The following NEBL variants were observed in gnomAD, a reference collection of about 807,000 sequenced individuals.
The protein encoded by NEBL is LIM and SH3 protein 2.
NEBL carries 122 observed loss-of-function variants against 140.2 expected under a neutral mutation model. That is an observed-to-expected ratio of 0.87 (90% CI 0.75 to 1.01). The LOEUF (loss-of-function observed/expected upper bound fraction) is 1.01, where lower values mean the gene tolerates loss of function less well. NEBL is among the 50% of genes least tolerant of loss of function. NEBL has a pLI of 0.00. For missense variants in NEBL, 1,365 were observed against 1,231.3 expected, an observed-to-expected ratio of 1.11 and a Z score of -1.62; for synonymous variants, 436 against 398.9, an observed-to-expected ratio of 1.09 and a Z score of -1.11.
intron 3 of NEBL, among the ~76,000 whole-genome samples, chr10:21,189,222 G>A (rs1162969628): frequency 2.0e-5 from 3 of 152,170 alleles, no homozygotes; most frequent in Admixed American, 6.5e-5. Flanking sequence ...GTCCTCATAA[G>A]AGAAAGGCAA....
intron 1 of NEBL, among the ~76,000 whole-genome samples, chr10:21,281,245 G>C (rs1008555056): frequency 1.3e-5 from 2 of 152,156 alleles, no homozygotes; most frequent in African/African-American, 4.8e-5. Flanking sequence ...ACTCTAATTA[G>C]TGTAAATATA....
chr10:21,262,953 C>T (rs976752206), intron 1 of NEBL, among the ~76,000 whole-genome samples: 9 of 152,190 alleles, frequency 5.9e-5, no homozygotes, highest in African/African-American at 2.2e-4. Context: ...TCTCTTTCAG[C>T]ATCAGGGGAC....
intron 26 of NEBL, among the ~76,000 whole-genome samples, chr10:20,787,601 C>T (rs1303428212): frequency 1.3e-5 from 2 of 152,142 alleles, no homozygotes; most frequent in Non-Finnish European, 2.9e-5. Context: ...ATTTTTCATA[C>T]TCCCTTAATG....
At chr10:21,149,569 G>A (rs1348900192) in intron 2 of NEBL, among the ~76,000 whole-genome samples, 1 of 152,218 alleles carries the variant, frequency 6.6e-6, no homozygotes, top group Non-Finnish European at 1.5e-5. Flanking sequence ...GGGATTATAG[G>A]CATGAGCCAT....
intron 3 of NEBL, among the ~76,000 whole-genome samples, chr10:20,997,973 G>A (rs1284823348): frequency 1.3e-5 from 2 of 151,952 alleles, no homozygotes; most frequent in Non-Finnish European, 2.9e-5. Flanking sequence ...AAACATTCAG[G>A]AATGATGAAA....
At chr10:20,963,768 T>G (rs1836167580) in intron 3 of NEBL, among the ~76,000 whole-genome samples, 1 of 152,228 alleles carries the variant, frequency 6.6e-6, no homozygotes, top group Non-Finnish European at 1.5e-5. Context: ...AAAAGAATCA[T>G]CTGACTTTGG....
intron 2 of NEBL, 85 bp from the exon 3 acceptor site, chr10:20,890,034 G>T: frequency 1.1e-6 from 1 of 885,682 alleles, no homozygotes; most frequent in Non-Finnish European, 1.8e-6. Flanking sequence ...GGTTGATAAA[G>T]TCCATTTACT....
intron 2 of NEBL, among the ~76,000 whole-genome samples, chr10:21,145,982 T>C (rs1839873086): frequency 6.6e-6 from 1 of 152,084 alleles, no homozygotes; most frequent in Non-Finnish European, 1.5e-5. Context: ...CAGGTCACCA[T>C]GGAAACCCTA....
At position 20,905,459 on chromosome 10, in the gene NEBL, A is replaced by G. The variant is rs765967384; in HGVS notation, c.357+56213T>C. 5.9e-5 allele frequency among the ~76,000 whole-genome samples: 9 copies of G among 152,294 alleles called. No individual in the cohort carries two copies. In the South Asian group the frequency reaches 1.4e-3, roughly 25 times the overall value. ...CAGGCAAGAGAGAGCCAGCAAGAGC[A>G]GGGAAAACTGCCTTATAAAACCATC... On this transcript the variant is annotated intron_variant, in intron 4 of 6. Transcript: ENST00000417816.
chr10:20,851,857 A>T (rs1281370059), intron 10 of NEBL, among the ~76,000 whole-genome samples: 1 of 152,182 alleles, frequency 6.6e-6, no homozygotes, highest in East Asian at 1.9e-4. Context: ...TCCAAACTTA[A>T]AGGGGAACTG....
rs190677896 is a variant in NEBL, at chr10:21,166,607, G to T, written c.164+5776C>A. Among the ~76,000 whole-genome samples the T allele has an allele frequency of 1.1e-4, 16 of 152,276 alleles. No homozygotes were observed. In the South Asian group the frequency reaches 2.1e-3, roughly 20 times the overall value. On this transcript the variant is annotated intron_variant, in intron 2 of 6. Coordinates refer to the NEBL transcript ENST00000417816. ...TGCCATGTGCCAGACACCAGGCTAC[G>T]GCCTATCCTAGTGTTGTTTTGTTAC...
intron 1 of NEBL, among the ~76,000 whole-genome samples, chr10:21,278,376 C>T (rs1362867155): frequency 1.3e-5 from 2 of 152,132 alleles, no homozygotes; most frequent in East Asian, 1.9e-4. Flanking sequence ...CCCAGGACGT[C>T]GAGGCTTCAG....
At chr10:21,176,388 T>C (rs1160815165), upstream of NEBL, among the ~76,000 whole-genome samples, 1 of 152,204 alleles carries the variant, frequency 6.6e-6, no homozygotes, top group Non-Finnish European at 1.5e-5. Context: ...ATTAAAACCA[T>C]ATTCATGTGA....
chr10:20,945,137 G>T (rs1286856208), intron 4 of NEBL, among the ~76,000 whole-genome samples: 2 of 152,166 alleles, frequency 1.3e-5, no homozygotes, highest in African/African-American at 4.8e-5. Context: ...TGTACGTGCA[G>T]TTTCCCTACA....
At chr10:20,995,192 G>A (rs1371144176) in intron 3 of NEBL, among the ~76,000 whole-genome samples, 3 of 152,154 alleles carry the variant, frequency 2.0e-5, no homozygotes, top group Non-Finnish European at 2.9e-5. Context: ...ATTCCCCTCT[G>A]AGAAATGTAC....
chr10:20,901,305 G>C (rs2131429912), upstream of NEBL, among the ~76,000 whole-genome samples: 1 of 152,210 alleles, frequency 6.6e-6, no homozygotes, highest in East Asian at 1.9e-4. Flanking sequence ...GCAACTGTCA[G>C]GTGGGTAATT....
chr10:20,852,206 C>A (rs1002538097), intron 10 of NEBL, among the ~76,000 whole-genome samples: 5 of 152,148 alleles, frequency 3.3e-5, no homozygotes, highest in African/African-American at 1.2e-4. Flanking sequence ...ATTAACGTTA[C>A]TGCTCAAAAT....
chr10:20,834,577 A>G (rs184050883), intron 14 of NEBL, among the ~76,000 whole-genome samples: 71 of 152,308 alleles, frequency 4.7e-4, no homozygotes, highest in African/African-American at 1.6e-3. Context: ...GGCCTTCCAG[A>G]TTTCCTGTAA....
rs770946136 is a variant in NEBL at position 20,813,970 on chromosome 10, T to A, written c.2315A>T (p.His772Leu). 9.9e-6 allele frequency: 16 copies of A among 1,608,576 alleles called. No individual in the cohort carries two copies. Among genetic ancestry groups the A allele is most frequent in the Non-Finnish European group, 1.2e-5 (14 of 1,175,092 alleles). The change falls in exon 23 of 28, where the codon CAT becomes CTT. Residue 772 changes from histidine (H) to leucine (L), a missense_variant. Transcript: ENST00000377122. ...SLILDTPAMR[H>L]VKEAQNHISM... ...AATATGATTTTGTGCTTCTTTAACA[T>A]GTCTCATAGCAGGTGTATCTAAAAT...
Sources: gnomAD v4.1 joint callset for allele counts (sites outside exome capture counted in the v4.1 genomes callset) on GRCh38, gnomAD v4.1.1 for gene constraint, MANE v1.5 for transcripts, NCBI Gene and HGNC (gene_info 2026-07-23, HGNC 2026-07-21) for gene names.